Variants in GPR146 observed in about 807,000 individuals in gnomAD.
GPR146 encodes G protein-coupled receptor 146, also known as G-protein coupled receptor 146.
For synonymous variants in GPR146, 203 were observed against 104.3 expected, an observed-to-expected ratio of 1.95 and a Z score of -5.77; for missense variants, 381 against 213.9, an observed-to-expected ratio of 1.78 and a Z score of -4.87.
chr7:1,058,142 A>G lies in GPR146; in HGVS notation c.627A>G (p.Leu209=), dbSNP rs778344604. The change falls in exon 2 of 2, where the codon CTA becomes CTG. Residue 209 remains leucine, a synonymous_variant. Coordinates refer to ENST00000444847, the MANE Select transcript of GPR146 (RefSeq NM_001303473.2). ...TGGCCACCCTCTACGCGCTGGTGCT[A>G]CTCTCCCGCGTCCGCAGGGAGGACA... ...PALATLYALV[L]LSRVRREDTP... 9 of 743,916 alleles carry G rather than the reference A, an allele frequency of 1.2e-5. No homozygotes were observed. Among genetic ancestry groups the G allele is most frequent in the Non-Finnish European group, 4.9e-6 (2 of 405,638 alleles). 46.1% of individuals were successfully genotyped at this position (743,916 alleles called of 1,614,324 possible).
intron 1 of GPR146, chr7:1,045,358 A>G (rs1004238961): frequency 6.6e-6 from 1 of 152,308 alleles, no homozygotes; most frequent in Non-Finnish European, 1.5e-5. Context: ...TTCCCTGCCC[A>G]TGAAGATGTA....
chr7:1,052,224 C>A lies in GPR146; in HGVS notation c.-24-5268C>A, dbSNP rs1303072483. 6.6e-6 allele frequency among the ~76,000 whole-genome samples: 1 copy of A among 152,264 alleles called. No individual in the cohort carries two copies. The highest frequency in any genetic ancestry group is 1.5e-5 in the Non-Finnish European group (1 of 68,052). ...GCTCCAGGCTGAGTGGGTGAGGAGC[C>A]TCTGAGCAGGCGCCTGCGTCGAGGC... On this transcript the variant is annotated intron_variant, in intron 1 of 1. Transcript: ENST00000444847. The surrounding 1 kb of genome is among the most constrained non-coding windows in gnomAD (Gnocchi z 4.2).
rs942564640 is a variant in GPR146 at position 1,052,236 on chromosome 7, G to A, written c.-24-5256G>A. On this transcript the variant is annotated intron_variant, in intron 1 of 1. Coordinates refer to ENST00000444847, the MANE Select transcript of GPR146 (RefSeq NM_001303473.2). This position sits in a 1 kb window ranked among gnomAD's most constrained non-coding sequence, Gnocchi z 4.2. Reference sequence around the variant, plus strand: ...GTGGGTGAGGAGCCTCTGAGCAGGCGCCTGCGTCGAGGCGTGCCCTCCTGA... The same window carrying A: ...GTGGGTGAGGAGCCTCTGAGCAGGCACCTGCGTCGAGGCGTGCCCTCCTGA... Among the ~76,000 whole-genome samples the A allele has an allele frequency of 2.0e-5, 3 of 152,342 alleles. No individual in the cohort carries two copies. Among genetic ancestry groups the A allele is most frequent in the Non-Finnish European group, 4.4e-5 (3 of 68,030 alleles).
At chr7:1,049,786 G>C (rs1782920397) in intron 1 of GPR146, among the ~76,000 whole-genome samples, 1 of 152,220 alleles carries the variant, frequency 6.6e-6, no homozygotes. Context: ...AACAGTTTTA[G>C]GACTGTTTTC....
intron 1 of GPR146, among the ~76,000 whole-genome samples, chr7:1,053,757 G>T (rs563758324): frequency 6.6e-6 from 1 of 152,202 alleles, no homozygotes; most frequent in South Asian, 2.1e-4. Context: ...AACCCGGGAG[G>T]CGGAGGTTGC....
chr7:1,044,609 C>T lies in GPR146; in HGVS notation c.-74C>T, dbSNP rs1280229577. ...CGTGAGCCCCGCCGCCTCCGCCAGC[C>T]CGAGCTGCCCGCCCGGCGGCGACTG... On this transcript the variant is annotated 5_prime_UTR_variant, in exon 1 of 2. Coordinates refer to ENST00000444847, the MANE Select transcript of GPR146 (RefSeq NM_001303473.2). 1 of 151,186 alleles carries T rather than the reference C, an allele frequency of 6.6e-6. No homozygotes were observed. The allele number at this position is 151,186 out of a possible 1,614,324, so 9.4% of individuals were successfully genotyped here.
intron 1 of GPR146, among the ~76,000 whole-genome samples, chr7:1,057,137 G>A (rs976127452): frequency 5.3e-5 from 8 of 152,106 alleles, no homozygotes; most frequent in African/African-American, 1.7e-4. Flanking sequence ...CAGACATCTA[G>A]TAAACTTCGG....
rs553211800 is a variant in GPR146 at position 1,054,558 on chromosome 7, G to A, written c.-24-2934G>A. On this transcript the variant is annotated intron_variant, in intron 1 of 1. Transcript: ENST00000444847. ...CCAGCAGATCCCACTCCACGTGACCGCCTCCCAAGAATCGAGCCATTCTTA... is the reference window on the plus strand; with the variant it reads ...CCAGCAGATCCCACTCCACGTGACCACCTCCCAAGAATCGAGCCATTCTTA... Among the ~76,000 whole-genome samples, 14 of 152,332 alleles carry A rather than the reference G, an allele frequency of 9.2e-5. 1 individual carries two copies. The highest frequency in any genetic ancestry group is 4.6e-4 in the Admixed American group (7 of 15,310).
intron 1 of GPR146, among the ~76,000 whole-genome samples, chr7:1,048,536 G>C (rs916460416): frequency 6.6e-6 from 1 of 152,126 alleles, no homozygotes; most frequent in African/African-American, 2.4e-5. Flanking sequence ...TGCTGCTTCT[G>C]AACAGGCCTG....
intron 1 of GPR146, among the ~76,000 whole-genome samples, chr7:1,053,072 G>A (rs376420446): frequency 5.9e-5 from 9 of 152,220 alleles, no homozygotes; most frequent in African/African-American, 2.2e-4. Flanking sequence ...CCTGCCCAGT[G>A]GGGGGAGAAG....
In GPR146 at chr7:1,057,475, G is replaced by A. The variant is rs754112066; in HGVS notation, c.-24-17G>A. ...GGGACGGGACGCGAGCTGACCACCTGTTCCTTCTTTCCGCAGGGTCGCGGA... is the reference window on the plus strand; with the variant it reads ...GGGACGGGACGCGAGCTGACCACCTATTCCTTCTTTCCGCAGGGTCGCGGA... On this transcript the variant is annotated splice_polypyrimidine_tract_variant and intron_variant, in intron 1 of 1. Coordinates refer to ENST00000444847, the MANE Select transcript of GPR146 (RefSeq NM_001303473.2). The A allele has an allele frequency of 1.4e-6, 1 of 724,270 alleles. No homozygotes were observed. The highest frequency in any genetic ancestry group is 2.5e-6 in the Non-Finnish European group (1 of 393,982). The allele number at this position is 724,270 out of a possible 1,614,324, so 44.9% of individuals were successfully genotyped here. A position where few individuals can be genotyped will look rare whatever the true frequency, so the allele number is the denominator to read the frequency against.
intron 1 of GPR146, among the ~76,000 whole-genome samples, chr7:1,051,852 C>A (rs1440857544): frequency 6.6e-6 from 1 of 152,158 alleles, no homozygotes; most frequent in African/African-American, 2.4e-5. Flanking sequence ...GTGGCACATG[C>A]CTGTAGTCCC....
chr7:1,053,307 C>T (rs1026845155), intron 1 of GPR146, among the ~76,000 whole-genome samples: 48 of 152,248 alleles, frequency 3.2e-4, no homozygotes, highest in African/African-American at 9.4e-4. Flanking sequence ...GGTGTGGCGA[C>T]GGCGGGGGAG....
At position 1,057,629 on chromosome 7, in the gene GPR146, G is replaced by A. The variant is rs752385894; in HGVS notation, c.114G>A (p.Val38=). ...CGCTGCTGGGCCTGGTGGTGGGCGT[G>A]CCAGTGGGCCTGTGCTACAACGCCC... is the stretch of plus-strand genomic sequence containing the variant. The part of the protein sequence containing the change: ...LLSLLGLVVG[V]PVGLCYNALL... Residue 38 remains valine (V), a synonymous_variant, in exon 2 of 2, where the codon GTG becomes GTA. Transcript: ENST00000444847. The A allele has an allele frequency of 1.3e-6, 1 of 769,758 alleles. No homozygotes were observed. The highest frequency in any genetic ancestry group is 2.4e-6 in the Non-Finnish European group (1 of 415,504). 47.7% of individuals were successfully genotyped at this position (769,758 alleles called of 1,614,324 possible).
chr7:1,051,828 A>G (rs564460014), intron 1 of GPR146, among the ~76,000 whole-genome samples: 1 of 152,286 alleles, frequency 6.6e-6, no homozygotes, highest in East Asian at 1.9e-4. Context: ...AAATGAAAAC[A>G]TTAGCCAGCT....
At chr7:1,050,369 G>A (rs975770426) in intron 1 of GPR146, among the ~76,000 whole-genome samples, 4 of 152,344 alleles carry the variant, frequency 2.6e-5, no homozygotes, top group South Asian at 2.1e-4. Context: ...CACCTGCGGC[G>A]GGCACATCCA....
At chr7:1,050,741 C>T (rs532752490) in intron 1 of GPR146, among the ~76,000 whole-genome samples, 5 of 152,220 alleles carry the variant, frequency 3.3e-5, no homozygotes, top group Non-Finnish European at 7.3e-5. Flanking sequence ...CTCACGAGTA[C>T]GCATTAGGAG....
At chr7:1,048,329 C>T (rs7798459) in intron 1 of GPR146, among the ~76,000 whole-genome samples, 45,494 of 151,996 alleles carry the variant, frequency 0.3, 8,253 homozygotes, top group African/African-American at 0.51. Flanking sequence ...ACATCAAAAG[C>T]GATGGCTTTT....
At chr7:1,055,332 C>A (rs768150907) in intron 1 of GPR146, 1 of 471,152 alleles carries the variant, frequency 2.1e-6, no homozygotes, top group Non-Finnish European at 4.4e-6. Context: ...GGCGGCCAGG[C>A]GCGCTGCTGA....
Sources: gnomAD v4.1 joint callset for allele counts (sites outside exome capture counted in the v4.1 genomes callset) on GRCh38, gnomAD v4.1.1 for gene constraint, Gnocchi (gnomAD v3.1) non-coding constraint, MANE v1.5 for transcripts, NCBI Gene and HGNC (gene_info 2026-07-23, HGNC 2026-07-21) for gene names.